PRSS23: variants seen among roughly 807,000 people sequenced by gnomAD.
PRSS23 encodes serine protease 23, also known as protease, serine 23.
A neutral mutation model predicts 34.7 loss-of-function variants in PRSS23; 25 were observed. The observed-to-expected ratio is 0.72, with a 90% CI of 0.53 to 1.01. The LOEUF (loss-of-function observed/expected upper bound fraction) is 1.01, where lower values mean the gene tolerates loss of function less well. Among genes scored for constraint, PRSS23 ranks in the 50% least tolerant of loss-of-function variants. The pLI, the probability that PRSS23 is intolerant of heterozygous loss-of-function variation, is 0.00. For missense variants in PRSS23, 445 were observed against 475.6 expected, an observed-to-expected ratio of 0.94 and a Z score of 0.60; for synonymous variants, 176 against 186.6, an observed-to-expected ratio of 0.94 and a Z score of 0.46.
chr11:86,917,796 C>A (rs1195384102), intron 2 of PRSS23, among the ~76,000 whole-genome samples: 1 of 152,128 alleles, frequency 6.6e-6, no homozygotes, highest in African/African-American at 2.4e-5. Context: ...GTATTGGAAG[C>A]CTTCCACAGT....
intron 2 of PRSS23, among the ~76,000 whole-genome samples, chr11:86,833,714 G>T (rs893482571): frequency 3.3e-5 from 5 of 152,116 alleles, no homozygotes; most frequent in African/African-American, 1.2e-4. Context: ...GAGCTAAGTT[G>T]CAAGCCCCGT....
intron 2 of PRSS23, among the ~76,000 whole-genome samples, chr11:86,930,398 G>C (rs535635179): frequency 6.6e-6 from 1 of 152,298 alleles, no homozygotes; most frequent in African/African-American, 2.4e-5. Flanking sequence ...TGTAACAGGG[G>C]ATCTAACTTA....
chr11:86,807,853 T>C lies in PRSS23; in HGVS notation c.210T>C (p.His70=), dbSNP rs774685806. The stretch of plus-strand genomic sequence containing the variant: ...CTTCTTCATGTGGACCCCAGTGTCA[T>C]AAGGGAACTCCACTGCCCACTTACG... ...EVSSSCGPQC[H]KGTPLPTYEE... Residue 70 remains histidine, a synonymous_variant, in exon 2 of 2, where the codon CAT becomes CAC. Transcript: ENST00000280258. The C allele has an allele frequency of 7.4e-6, 12 of 1,613,952 alleles. No homozygotes were observed. Among genetic ancestry groups the C allele is most frequent in the African/African-American group, 1.3e-5 (1 of 74,876 alleles).
At chr11:86,918,947 G>A (rs757738933) in intron 2 of PRSS23, among the ~76,000 whole-genome samples, 1 of 152,188 alleles carries the variant, frequency 6.6e-6, no homozygotes, top group African/African-American at 2.4e-5. Context: ...GAAGGAGTAA[G>A]GGCCTAGTGG....
In PRSS23 at chr11:86,847,274, C is replaced by T. The variant is rs972211656; in HGVS notation, c.206+23681C>T. ...TGAAGGACAGTTTTATGGCCAGGAC[C>T]GCATAAAGTGGGCCTTAGCATTCAA... On this transcript the variant is annotated intron_variant, in intron 2 of 2. Coordinates refer to the PRSS23 transcript ENST00000533902. Among the ~76,000 whole-genome samples, 11 of 152,156 alleles carry T rather than the reference C, an allele frequency of 7.2e-5. 1 individual carries two copies. Among genetic ancestry groups the T allele is most frequent in the Admixed American group, 4.6e-4 (7 of 15,288 alleles).
chr11:86,914,571 TTTTG>T (rs1465426278), intron 2 of PRSS23, among the ~76,000 whole-genome samples: 2 of 152,242 alleles, frequency 1.3e-5, no homozygotes, highest in South Asian at 2.1e-4. Context: ...TTAATCTATA[TTTTG>T]TTTCAGTTTT....
At chr11:86,952,403 C>T (rs1278311788) in exon 3 of PRSS23, 4 of 1,614,040 alleles carry the variant, frequency 2.5e-6, no homozygotes, top group African/African-American at 2.7e-5. Flanking sequence ...ACACATGCCG[C>T]CGCATGGGCC....
chr11:86,866,409 G>A (rs1189421890), intron 2 of PRSS23, among the ~76,000 whole-genome samples: 1 of 152,146 alleles, frequency 6.6e-6, no homozygotes, highest in Admixed American at 6.5e-5. Flanking sequence ...AATGACATTA[G>A]GAGAGATTAC....
chr11:86,922,670 T>C (rs1949054504), intron 2 of PRSS23, among the ~76,000 whole-genome samples: 1 of 152,196 alleles, frequency 6.6e-6, no homozygotes, highest in East Asian at 1.9e-4. Flanking sequence ...AGATATTCTC[T>C]AGAGAATTTT....
At chr11:86,816,045 C>G (rs1487461928), downstream of PRSS23, among the ~76,000 whole-genome samples, 1 of 152,150 alleles carries the variant, frequency 6.6e-6, no homozygotes, top group Non-Finnish European at 1.5e-5. Context: ...GCCATGAATC[C>G]ATGACCAATC....
intron 2 of PRSS23, among the ~76,000 whole-genome samples, chr11:86,879,876 C>T (rs1948760756): frequency 6.7e-6 from 1 of 148,252 alleles, no homozygotes. Flanking sequence ...TGAGGGGCGC[C>T]TCTGCCCGGC....
rs1259987009 is a variant in PRSS23, at chr11:86,852,440, G to A, written c.206+28847G>A. Among the ~76,000 whole-genome samples the A allele has an allele frequency of 2.0e-5, 3 of 152,028 alleles. No individual in the cohort carries two copies. In the East Asian group the frequency reaches 5.8e-4, roughly 29 times the overall value. ...AGTTAGTGTCCATTGAAGCTTTGGG[G>A]CTCTTCCTCTAATCAGGAGAAAGCT... is the stretch of plus-strand genomic sequence containing the variant. On this transcript the variant is annotated intron_variant, in intron 2 of 2. Transcript: ENST00000533902.
intron 2 of PRSS23, among the ~76,000 whole-genome samples, chr11:86,856,214 T>C (rs1948569821): frequency 6.6e-6 from 1 of 152,070 alleles, no homozygotes. Flanking sequence ...TTTAGGACAA[T>C]GCATTTGAAG....
At chr11:86,886,967 G>T (rs942686822) in intron 2 of PRSS23, among the ~76,000 whole-genome samples, 7 of 151,936 alleles carry the variant, frequency 4.6e-5, no homozygotes, top group Non-Finnish European at 8.8e-5. Context: ...TAAAAAAGTG[G>T]ACTTTCCCAA....
chr11:86,835,176 C>G (rs747248359), intron 2 of PRSS23, among the ~76,000 whole-genome samples: 6 of 152,210 alleles, frequency 3.9e-5, no homozygotes, highest in Non-Finnish European at 8.8e-5. Context: ...TGTCTGACAG[C>G]CACAAGTCTC....
intron 2 of PRSS23, among the ~76,000 whole-genome samples, chr11:86,868,806 C>T (rs1349645303): frequency 6.6e-6 from 1 of 152,084 alleles, no homozygotes; most frequent in Non-Finnish European, 1.5e-5. Context: ...AACTCAGATT[C>T]TGTATAAATT....
intron 2 of PRSS23, among the ~76,000 whole-genome samples, chr11:86,882,439 G>A (rs915880863): frequency 2.6e-5 from 4 of 152,036 alleles, no homozygotes; most frequent in African/African-American, 9.7e-5. Context: ...GCTCCCACTT[G>A]TAAGCAAAAA....
chr11:86,843,395 G>A (rs1948462767), intron 2 of PRSS23, among the ~76,000 whole-genome samples: 1 of 152,012 alleles, frequency 6.6e-6, no homozygotes, highest in Admixed American at 6.6e-5. Flanking sequence ...CAAAAGCAAT[G>A]GCAACAAAAG....
At chr11:86,874,472 G>GTCC (rs1948709272) in intron 2 of PRSS23, among the ~76,000 whole-genome samples, 1 of 152,212 alleles carries the variant, frequency 6.6e-6, no homozygotes, top group Non-Finnish European at 1.5e-5. Context: ...GTGTAACACA[G>GTCC]TAAGAGATTT....
Sources: gnomAD v4.1 joint callset for allele counts (sites outside exome capture counted in the v4.1 genomes callset) on GRCh38, gnomAD v4.1.1 for gene constraint, MANE v1.5 for transcripts, NCBI Gene and HGNC (gene_info 2026-07-23, HGNC 2026-07-21) for gene names.